The following ABCB1 variants were observed in gnomAD, a reference collection of about 807,000 sequenced individuals.
ABCB1 encodes ATP-dependent translocase ABCB1.
In ABCB1, 69 loss-of-function variants were observed where a neutral mutation model predicts 142.0. The ratio of observed to expected loss-of-function variants is 0.49; its 90% CI spans 0.40 to 0.59. ABCB1 has a LOEUF of 0.59. ABCB1 is among the 20% of genes least tolerant of loss of function. ABCB1 has a pLI of 0.00. For missense variants in ABCB1, 1,326 were observed against 1,554.7 expected (o/e 0.85, Z 2.47); for synonymous variants, 532 against 539.2 (o/e 0.99, Z 0.18).
At chr7:87,653,484 T>A (rs917196017) in intron 1 of ABCB1, among the ~76,000 whole-genome samples, 2 of 152,074 alleles carry the variant, frequency 1.3e-5, no homozygotes, top group Non-Finnish European at 2.9e-5. Context: ...GCTGAAGCAA[T>A]CTACTCAACA....
At chr7:87,706,402 G>A (rs1829589503) in intron 1 of ABCB1, among the ~76,000 whole-genome samples, 1 of 151,982 alleles carries the variant, frequency 6.6e-6, no homozygotes, top group Non-Finnish European at 1.5e-5. Flanking sequence ...TATTGAGAAG[G>A]GTGTAATTGG....
At chr7:87,628,697 C>T (rs539851532) in intron 1 of ABCB1, 2 of 560,684 alleles carry the variant, frequency 3.6e-6, no homozygotes, top group East Asian at 3.5e-5. Flanking sequence ...CCCTTCCTCC[C>T]TCCAGGCTCC....
At chr7:87,631,414 G>A (rs1018353865) in intron 1 of ABCB1, among the ~76,000 whole-genome samples, 3 of 151,750 alleles carry the variant, frequency 2.0e-5, no homozygotes, top group Non-Finnish European at 2.9e-5. Flanking sequence ...TTTTTGAGAC[G>A]GAGTCTCGCT....
intron 16 of ABCB1, 81 bp from the exon 17 acceptor site, chr7:87,544,356 A>G (rs1816677032): frequency 1.5e-6 from 2 of 1,356,646 alleles, no homozygotes; most frequent in South Asian, 2.4e-5. Context: ...AAATTAGTAA[A>G]GGAATATATC....
At chr7:87,705,610 G>A (rs945249945) in intron 1 of ABCB1, among the ~76,000 whole-genome samples, 2 of 152,022 alleles carry the variant, frequency 1.3e-5, no homozygotes, top group African/African-American at 4.8e-5. Flanking sequence ...TATTATTTCT[G>A]TCATATGCAG....
At chr7:87,541,828 C>G in intron 17 of ABCB1, among the ~76,000 whole-genome samples, 1 of 152,104 alleles carries the variant, frequency 6.6e-6, no homozygotes, top group African/African-American at 2.4e-5. Flanking sequence ...TCAAACTGTC[C>G]CAAGGTGTCT....
At chr7:87,592,928 CTTTT>C (rs35396007) in intron 3 of ABCB1, among the ~76,000 whole-genome samples, 7 of 138,092 alleles carry the variant, frequency 5.1e-5, no homozygotes, top group Admixed American at 7.3e-5. Flanking sequence ...AATATATAAT[CTTTT>C]TTTTTTTTTT....
At chr7:87,568,899 T>G (rs1206225754) in intron 5 of ABCB1, among the ~76,000 whole-genome samples, 4 of 152,234 alleles carry the variant, frequency 2.6e-5, no homozygotes, top group African/African-American at 9.7e-5. Context: ...TATTTTAAAC[T>G]GTCAGTGTAT....
chr7:87,607,458 A>G (rs1030529018), intron 1 of ABCB1, among the ~76,000 whole-genome samples: 1 of 152,234 alleles, frequency 6.6e-6, no homozygotes, highest in African/African-American at 2.4e-5. Context: ...GTCCATTAAC[A>G]GCATTATTTG....
chr7:87,644,764 G>A lies in ABCB1; in HGVS notation c.-330-43686C>T, dbSNP rs192162091. ...TACTTATTCTCTCTGTGTATATATG[G>A]ATATATATATATTAATGCAGAACAT... On this transcript the variant is annotated intron_variant, in intron 1 of 28. Transcript: ENST00000265724. Among the ~76,000 whole-genome samples, 495 of 151,030 alleles carry A rather than the reference G, an allele frequency of 3.3e-3. 3 individuals carry two copies. The highest frequency in any genetic ancestry group is 0.012 in the African/African-American group (484 of 41,226).
intron 5 of ABCB1, 141 bp downstream of exon 5, chr7:87,570,031 A>T: frequency 2.7e-6 from 2 of 745,708 alleles, no homozygotes; most frequent in Non-Finnish European, 4.5e-6. Flanking sequence ...TTTCTTAAAA[A>T]GTCTACATAT....
chr7:87,703,915 T>TTTTTTTTTTTTTTTTTTTTTTG (rs1829353569), intron 1 of ABCB1, among the ~76,000 whole-genome samples: 1 of 18,530 alleles, frequency 5.4e-5, no homozygotes, highest in Non-Finnish European at 1.1e-4. Flanking sequence ...TTTTTTTTGG[T>TTTTTTTTTTTTTTTTTTTTTTG]TTTTTTTTTT....
chr7:87,644,452 G>C (rs1248394016), intron 1 of ABCB1, among the ~76,000 whole-genome samples: 2 of 152,200 alleles, frequency 1.3e-5, no homozygotes, highest in African/African-American at 2.4e-5. Flanking sequence ...GTTTGAAATA[G>C]TGGAGAGTTC....
chr7:87,536,339 G>C, intron 20 of ABCB1, 119 bp downstream of exon 20: 1 of 860,580 alleles, frequency 1.2e-6, no homozygotes, highest in Non-Finnish European at 2.0e-6. Context: ...TCGTAGGTTA[G>C]ATATTTATTC....
In ABCB1 at chr7:87,542,861, AATC is replaced by A. The variant is rs1310988295; in HGVS notation, c.2211+1265_2211+1267del. 6.6e-5 allele frequency among the ~76,000 whole-genome samples: 10 copies of A among 152,288 alleles called. No homozygotes were observed. The East Asian group carries it at 1.9e-3, about 29-fold the overall frequency. On this transcript the variant is annotated intron_variant, in intron 17 of 27. Transcript: ENST00000622132. The stretch of plus-strand genomic sequence containing the variant: ...GTCAGAGTTGAGTATCTGCAACAGA[AATC>A]ATGTGGCATGCAAAGCCTAAAATAT...
intron 14 of ABCB1, among the ~76,000 whole-genome samples, chr7:87,547,458 T>C (rs1340644286): frequency 6.6e-6 from 1 of 152,206 alleles, no homozygotes; most frequent in Non-Finnish European, 1.5e-5. Context: ...CAGTAAGCAG[T>C]GGCTCACTCC....
At chr7:87,544,500 G>A (rs1397583684) in intron 16 of ABCB1, among the ~76,000 whole-genome samples, 1 of 152,090 alleles carries the variant, frequency 6.6e-6, no homozygotes, top group African/African-American at 2.4e-5. Context: ...AAAAATAAAT[G>A]ATGTTTCCAC....
intron 1 of ABCB1, among the ~76,000 whole-genome samples, chr7:87,655,196 G>A (rs531135303): frequency 6.6e-6 from 1 of 152,184 alleles, no homozygotes; most frequent in East Asian, 1.9e-4. Flanking sequence ...GAACCTCCAT[G>A]TAAACCAGCA....
intron 7 of ABCB1, chr7:87,565,523 G>A (rs1458997195): frequency 6.9e-6 from 3 of 433,172 alleles, no homozygotes; most frequent in Admixed American, 5.4e-5. Flanking sequence ...GGACTAGAAA[G>A]TATCTGTTTT....
Sources: allele counts gnomAD v4.1 joint callset (sites outside exome capture counted in the v4.1 genomes callset), GRCh38; gene constraint gnomAD v4.1.1; transcripts MANE v1.5; gene names NCBI Gene and HGNC (gene_info 2026-07-23, HGNC 2026-07-21).